STXBP5L: variants seen among roughly 807,000 people sequenced by gnomAD.
STXBP5L encodes syntaxin-binding protein 5-like.
STXBP5L carries 65 observed loss-of-function variants against 144.5 expected under a neutral mutation model. The ratio of observed to expected loss-of-function variants is 0.45; its 90% confidence interval spans 0.37 to 0.55. STXBP5L has a LOEUF of 0.55. Ranked by LOEUF, STXBP5L falls within the 20% of genes least tolerant of loss-of-function variation. The pLI, the probability that STXBP5L is intolerant of heterozygous loss-of-function variation, is 0.00. For missense variants in STXBP5L, 1,298 were observed against 1,405.5 expected, an observed-to-expected ratio of 0.92 and a Z score of 1.22; for synonymous variants, 505 against 469.6, an observed-to-expected ratio of 1.08 and a Z score of -0.97.
At chr3:120,937,577 A>G (rs1710330321) in intron 2 of STXBP5L, among the ~76,000 whole-genome samples, 2 of 152,198 alleles carry the variant, frequency 1.3e-5, no homozygotes, top group Middle Eastern at 3.4e-3. Context: ...TGTTTTTGGG[A>G]CAGCAATTTG....
At chr3:121,173,018 A>G (rs536148988) in intron 9 of STXBP5L, among the ~76,000 whole-genome samples, 1 of 152,220 alleles carries the variant, frequency 6.6e-6, no homozygotes, top group Non-Finnish European at 1.5e-5. Context: ...GGATGAGTTC[A>G]TGTTCTTTAT....
intron 9 of STXBP5L, among the ~76,000 whole-genome samples, chr3:121,196,921 A>C (rs1256583194): frequency 6.6e-6 from 1 of 152,136 alleles, no homozygotes; most frequent in Admixed American, 6.6e-5. Context: ...GGACTCAAGC[A>C]ATCTTTCCAC....
At chr3:120,917,337 A>G (rs1350935547) in intron 2 of STXBP5L, among the ~76,000 whole-genome samples, 1 of 152,218 alleles carries the variant, frequency 6.6e-6, no homozygotes, top group Non-Finnish European at 1.5e-5. Flanking sequence ...TAGCATCAGT[A>G]CCAAGAGTAG....
At chr3:121,154,591 C>T (rs2046049625) in intron 8 of STXBP5L, among the ~76,000 whole-genome samples, 1 of 151,432 alleles carries the variant, frequency 6.6e-6, no homozygotes, top group Non-Finnish European at 1.5e-5. Flanking sequence ...ATGTCTTTAC[C>T]CTCATTTCTT....
At chr3:121,363,879 A>G (rs879786163) in intron 20 of STXBP5L, among the ~76,000 whole-genome samples, 2 of 151,954 alleles carry the variant, frequency 1.3e-5, no homozygotes, top group African/African-American at 2.4e-5. Flanking sequence ...TGAATTGAGT[A>G]GTTTATTTTG....
Position 121,259,178 on chromosome 3 carries a change from T to C in STXBP5L, c.1958+10T>C, listed in dbSNP as rs746649462. ...GCTCAGCATATGGAATGTAAGTAAT[T>C]AAACTTTTTTATGATATGTATTATT... On this transcript the variant is annotated intron_variant, in intron 18 of 26. Coordinates refer to ENST00000471454, the MANE Select transcript of STXBP5L (RefSeq NM_001308330.2). The C allele has an allele frequency of 9.8e-6, 15 of 1,526,974 alleles. No individual in the cohort carries two copies. The highest frequency in any genetic ancestry group is 1.1e-5 in the Non-Finnish European group (13 of 1,134,930). 94.6% of individuals were successfully genotyped at this position (1,526,974 alleles called of 1,614,324 possible).
chr3:121,301,034 T>C (rs779408249), intron 19 of STXBP5L, among the ~76,000 whole-genome samples: 1 of 152,348 alleles, frequency 6.6e-6, no homozygotes, highest in South Asian at 2.1e-4. Flanking sequence ...ATGCGGGATC[T>C]TTTTTGATTC....
intron 19 of STXBP5L, among the ~76,000 whole-genome samples, chr3:121,306,327 G>A (rs1040207613): frequency 1.3e-5 from 2 of 152,084 alleles, no homozygotes; most frequent in South Asian, 4.1e-4. Context: ...GTGTTACCAA[G>A]AGGTCAGAGG....
chr3:121,330,438 A>G (rs185035109), intron 20 of STXBP5L, among the ~76,000 whole-genome samples: 199 of 152,278 alleles, frequency 1.3e-3, no homozygotes, highest in Non-Finnish European at 2.4e-3. Context: ...TAGAGTGCAG[A>G]CTTAACCTGA....
intron 9 of STXBP5L, among the ~76,000 whole-genome samples, chr3:121,180,875 A>T (rs1157062930): frequency 6.7e-6 from 1 of 148,772 alleles, no homozygotes; most frequent in Non-Finnish European, 1.5e-5. Context: ...CTCTGACTTG[A>T]AAAGAAAAAG....
At chr3:121,073,851 CAT>C (rs1205227250) in intron 5 of STXBP5L, among the ~76,000 whole-genome samples, 2 of 152,232 alleles carry the variant, frequency 1.3e-5, no homozygotes, top group East Asian at 1.9e-4. Context: ...GAATGCCACA[CAT>C]GTTCTCTTTT....
chr3:121,378,531 T>C (rs766780363), intron 20 of STXBP5L, among the ~76,000 whole-genome samples, 185 bp from the exon 21 acceptor site: 1 of 152,200 alleles, frequency 6.6e-6, no homozygotes, highest in East Asian at 1.9e-4. Context: ...AAATATCTTT[T>C]GAAATTTTTG....
chr3:120,963,554 G>C (rs879068696), intron 3 of STXBP5L, among the ~76,000 whole-genome samples: 1 of 152,164 alleles, frequency 6.6e-6, no homozygotes, highest in South Asian at 2.1e-4. Flanking sequence ...CATTTGTTCT[G>C]TTTATTTGAT....
At chr3:121,343,375 A>C (rs1044317943) in intron 20 of STXBP5L, among the ~76,000 whole-genome samples, 1 of 152,104 alleles carries the variant, frequency 6.6e-6, no homozygotes, top group Non-Finnish European at 1.5e-5. Context: ...CCTATTCAAC[A>C]TAGTGTTGGA....
rs184030711 is a variant in STXBP5L, at chr3:121,008,265, A to G, written c.288-33435A>G. 2.6e-5 allele frequency among the ~76,000 whole-genome samples: 4 copies of G among 152,090 alleles called. No individual in the cohort carries two copies. In the East Asian group the frequency reaches 7.7e-4, roughly 29 times the overall value. ...ATAATAATCAGGGTCAGTTCCCAGT[A>G]TAATAACTCATTCCTTTGCCAGCTG... On this transcript the variant is annotated intron_variant, in intron 3 of 26. Coordinates refer to ENST00000471454, the MANE Select transcript of STXBP5L (RefSeq NM_001308330.2).
intron 22 of STXBP5L, among the ~76,000 whole-genome samples, chr3:121,387,408 A>C (rs1443115292): frequency 2.0e-5 from 3 of 152,162 alleles, no homozygotes; most frequent in Non-Finnish European, 2.9e-5. Flanking sequence ...CTTTAGTTTA[A>C]TTAGATCCCA....
chr3:121,098,729 G>C (rs1225282426), intron 5 of STXBP5L, among the ~76,000 whole-genome samples: 1 of 152,178 alleles, frequency 6.6e-6, no homozygotes, highest in Non-Finnish European at 1.5e-5. Context: ...CATCTGCAAG[G>C]ATGATGGGTC....
chr3:121,293,104 C>G (rs1250455568), intron 19 of STXBP5L, among the ~76,000 whole-genome samples: 2 of 152,124 alleles, frequency 1.3e-5, no homozygotes, highest in Admixed American at 1.3e-4. Context: ...CAAATTCTGG[C>G]AAATCCAAAC....
intron 5 of STXBP5L, among the ~76,000 whole-genome samples, chr3:121,094,946 GA>G (rs2043035303): frequency 6.6e-6 from 1 of 151,866 alleles, no homozygotes; most frequent in South Asian, 2.1e-4. Flanking sequence ...CTTCCTTCAG[GA>G]GCTCTTTTAG....
Sources: gnomAD v4.1 joint callset for allele counts (sites outside exome capture counted in the v4.1 genomes callset) on GRCh38, gnomAD v4.1.1 for gene constraint, MANE v1.5 for transcripts, NCBI Gene and HGNC (gene_info 2026-07-23, HGNC 2026-07-21) for gene names.